The following SLC12A9 variants were observed in gnomAD, a reference collection of about 807,000 sequenced individuals.
SLC12A9 encodes the protein solute carrier family 12 member 9, also known as CCC-interacting protein 1.
Under a neutral mutation model 66.0 loss-of-function variants are expected in SLC12A9, and 55 were observed. The observed-to-expected ratio is 0.83, with a 90% CI of 0.67 to 1.04. SLC12A9 has a LOEUF of 1.04. Ranked by LOEUF, SLC12A9 falls within the 50% of genes least tolerant of loss-of-function variation. The pLI is 0.00. For missense variants in SLC12A9, 1,061 were observed against 1,241.9 expected, an observed-to-expected ratio of 0.85 and a Z score of 2.19; for synonymous variants, 577 against 569.0, an observed-to-expected ratio of 1.01 and a Z score of -0.20.
chr7:100,830,426 C>T (rs1813521614), intron 1 of SLC12A9, among the ~76,000 whole-genome samples: 1 of 152,028 alleles, frequency 6.6e-6, no homozygotes, highest in African/African-American at 2.4e-5. Context: ...GTAATGCCAG[C>T]ACTTTTGGAG....
At chr7:100,862,534 C>G in intron 12 of SLC12A9, 147 bp from the exon 13 acceptor site, 1 of 959,476 alleles carries the variant, frequency 1.0e-6, no homozygotes, top group Non-Finnish European at 1.5e-6. Context: ...GCATGAGCCC[C>G]GACACCAGCC....
chr7:100,832,993 C>T (rs1276408471), intron 1 of SLC12A9, among the ~76,000 whole-genome samples: 1 of 152,136 alleles, frequency 6.6e-6, no homozygotes, highest in East Asian at 1.9e-4. Flanking sequence ...GCAGGCTGGT[C>T]TTGAACTCTT....
upstream of SLC12A9, among the ~76,000 whole-genome samples, chr7:100,850,196 C>A (rs1046708901): frequency 1.3e-5 from 2 of 150,096 alleles, no homozygotes; most frequent in African/African-American, 4.9e-5. Context: ...TCCCTCCCTT[C>A]TTTCCTTCCC....
intron 13 of SLC12A9, among the ~76,000 whole-genome samples, chr7:100,864,943 G>T (rs4729616): frequency 0.52 from 78,714 of 151,880 alleles, 21,024 homozygotes; most frequent in East Asian, 0.8. Flanking sequence ...GTAAACATAC[G>T]GGGTAGCCCT....
chr7:100,863,095 C>T (rs1814865453), intron 13 of SLC12A9, among the ~76,000 whole-genome samples: 2 of 145,528 alleles, frequency 1.4e-5, no homozygotes, highest in African/African-American at 5.1e-5. Flanking sequence ...CGGAGTCTCA[C>T]TCTGTCTTGC....
At position 100,866,486 on chromosome 7, in the gene SLC12A9, C is replaced by T; in HGVS notation, c.2626C>T (p.Pro876Ser). 1.3e-6 allele frequency: 2 copies of T among 1,554,226 alleles called. No individual in the cohort carries two copies. The highest frequency in any genetic ancestry group is 2.4e-5 in the South Asian group (2 of 84,426). The stretch of plus-strand genomic sequence containing the variant: ...CCTCACCTTCCTGTACTTGCCTCGG[C>T]CGCCAGCCGATCCCGCCCGATACCC... ...TALTFLYLPRPPADPARYPRY... is the reference protein window; with the variant it reads ...TALTFLYLPRSPADPARYPRY... Residue 876 changes from proline to serine, a missense_variant, in exon 14 of 14, where the codon CCG becomes TCG. Transcript: ENST00000354161. The surrounding 1 kb of genome is among the most constrained non-coding windows in gnomAD (Gnocchi z 7.3).
At chr7:100,829,689 C>A (rs1251268946) in intron 1 of SLC12A9, among the ~76,000 whole-genome samples, 1 of 152,180 alleles carries the variant, frequency 6.6e-6, no homozygotes, top group Non-Finnish European at 1.5e-5. Context: ...CCCTGCCCTG[C>A]CTTTTGCCAC....
At chr7:100,833,923 ACT>A (rs1334759104) in intron 1 of SLC12A9, among the ~76,000 whole-genome samples, 1 of 128,250 alleles carries the variant, frequency 7.8e-6, no homozygotes, top group South Asian at 2.7e-4. Flanking sequence ...ACAGAGCGAG[ACT>A]CTGTCTCAAA....
chr7:100,856,512 CTTCTTT>C lies in SLC12A9; in HGVS notation c.449-353_449-348del. 11 of 99,720 alleles carry C rather than the reference CTTCTTT, an allele frequency of 1.1e-4. No individual in the cohort carries two copies. The East Asian group carries it at 1.2e-3, about 11-fold the overall frequency. The allele number at this position is 99,720 out of a possible 1,614,324, so 6.2% of individuals were successfully genotyped here. On this transcript the variant is annotated intron_variant, in intron 4 of 13. Transcript: ENST00000354161. ...CGTGAGCCCCGGCGCCCTGCCCCTTCTTCTTTTTTTTTTTTTTCTTGAGAGAAGGTC... is the reference window on the plus strand; with the variant it reads ...CGTGAGCCCCGGCGCCCTGCCCCTTCTTTTTTTTTTTCTTGAGAGAAGGTC...
chr7:100,828,499 C>T lies in SLC12A9; in HGVS notation n.228+1452C>T, dbSNP rs1429630582. Among the ~76,000 whole-genome samples the T allele has an allele frequency of 6.0e-5, 8 of 133,680 alleles. No individual in the cohort carries two copies. In the Admixed American group the frequency reaches 6.8e-4, roughly 11 times the overall value. The allele number at this position is 133,680 out of a possible 152,430, so 87.7% of individuals were successfully genotyped here. A position where few individuals can be genotyped will look rare whatever the true frequency, so the allele number is the denominator to read the frequency against. Reference sequence around the variant, plus strand: ...GGCGGAGGTTGCAGTGAGCTGGGAGCTGAGATCGCGCCACTGCACTCCAGC... The same window carrying T: ...GGCGGAGGTTGCAGTGAGCTGGGAGTTGAGATCGCGCCACTGCACTCCAGC... On this transcript the variant is annotated intron_variant and non_coding_transcript_variant, in intron 1 of 1. Coordinates refer to the SLC12A9 transcript ENST00000461016.
chr7:100,860,304 A>G lies in SLC12A9; in HGVS notation c.1218+72A>G, dbSNP rs1015514467. The G allele has an allele frequency of 4.0e-6, 6 of 1,489,392 alleles. No individual in the cohort carries two copies. In the Admixed American group the frequency reaches 1.2e-4, roughly 30 times the overall value. The allele number at this position is 1,489,392 out of a possible 1,614,324, so 92.3% of individuals were successfully genotyped here. On this transcript the variant is annotated intron_variant, in intron 9 of 13. Coordinates refer to ENST00000354161, the MANE Select transcript of SLC12A9 (RefSeq NM_020246.4). The stretch of plus-strand genomic sequence containing the variant: ...GCAGGATGGGGGTGCAGTTAGATGC[A>G]GGCTGGGAGACAAATGTAAAGACAA...
chr7:100,856,615 T>C, intron 4 of SLC12A9: 1 of 462,884 alleles, frequency 2.2e-6, no homozygotes, highest in Non-Finnish European at 3.9e-6. Flanking sequence ...CCCGGGCTCA[T>C]GCGATTCTCC....
chr7:100,861,674 G>T lies in SLC12A9; in HGVS notation c.1537-63G>T. 6.2e-7 allele frequency: 1 copy of T among 1,608,134 alleles called. No homozygotes were observed. The highest frequency in any genetic ancestry group is 8.5e-7 in the Non-Finnish European group (1 of 1,174,838). Reference sequence around the variant, plus strand: ...CTGGAGTTGGTGCTCCCGTCCAGGAGGCGCTGAACGGGGCTGTGCATTTGA... The same window carrying T: ...CTGGAGTTGGTGCTCCCGTCCAGGATGCGCTGAACGGGGCTGTGCATTTGA... On this transcript the variant is annotated intron_variant, in intron 11 of 13. Coordinates refer to ENST00000354161, the MANE Select transcript of SLC12A9 (RefSeq NM_020246.4). The surrounding 1 kb of genome is among the most constrained non-coding windows in gnomAD (Gnocchi z 5.3).
At chr7:100,843,800 T>C (rs755869858) in intron 1 of SLC12A9, among the ~76,000 whole-genome samples, 2 of 152,160 alleles carry the variant, frequency 1.3e-5, no homozygotes, top group South Asian at 2.1e-4. Flanking sequence ...CACATAACCA[T>C]TGAAGTTTGC....
At chr7:100,854,796 C>G in intron 3 of SLC12A9, 42 bp downstream of exon 3, 1 of 1,608,446 alleles carries the variant, frequency 6.2e-7, no homozygotes, top group Middle Eastern at 1.7e-4. Context: ...GCCTGTTCTG[C>G]CTGCTAGGGA....
Position 100,856,977 on chromosome 7 carries a change from C to CGGCCTCTATGCCCG in SLC12A9, c.565_578dup (p.Phe194MetfsTer33). The stretch of plus-strand genomic sequence containing the variant: ...TGGGTGGGGTCTGCACCCTGGGAGC[C>CGGCCTCTATGCCCG]GGCCTCTATGCCCGGGCCTCATTCC... On this transcript the variant is annotated frameshift_variant, in exon 5 of 14. Coordinates refer to ENST00000354161, the MANE Select transcript of SLC12A9 (RefSeq NM_020246.4). LOFTEE classifies it high-confidence loss of function. 1 of 1,613,972 alleles carries CGGCCTCTATGCCCG rather than the reference C, an allele frequency of 6.2e-7. No homozygotes were observed. Among genetic ancestry groups the CGGCCTCTATGCCCG allele is most frequent in the Non-Finnish European group, 8.5e-7 (1 of 1,180,038 alleles).
chr7:100,860,534 T>G, intron 9 of SLC12A9: 1 of 412,368 alleles, frequency 2.4e-6, no homozygotes, highest in Non-Finnish European at 4.4e-6. Flanking sequence ...CAGTATTCAC[T>G]GGCACTTTGT....
chr7:100,844,021 A>C (rs1018072683), intron 1 of SLC12A9, among the ~76,000 whole-genome samples: 1 of 152,220 alleles, frequency 6.6e-6, no homozygotes, highest in African/African-American at 2.4e-5. Flanking sequence ...TGCTCCAGTC[A>C]CACCCGGAAG....
intron 1 of SLC12A9, chr7:100,827,147 C>G: frequency 8.4e-7 from 1 of 1,188,490 alleles, no homozygotes; most frequent in Non-Finnish European, 1.2e-6. Context: ...CTCGTCGGGG[C>G]CCTCAGCGCG....
Sources: allele counts gnomAD v4.1 joint callset (sites outside exome capture counted in the v4.1 genomes callset), GRCh38; gene constraint gnomAD v4.1.1; non-coding constraint Gnocchi (gnomAD v3.1); transcripts MANE v1.5; gene names NCBI Gene and HGNC (gene_info 2026-07-23, HGNC 2026-07-21).